Variants in FBLN7 observed in about 807,000 individuals in gnomAD.
FBLN7 encodes the protein fibulin 7, also known as fibulin-7.
Under a neutral mutation model 44.0 loss-of-function variants are expected in FBLN7, and 31 were observed. The ratio of observed to expected loss-of-function variants is 0.70; its 90% CI spans 0.53 to 0.95. The LOEUF (loss-of-function observed/expected upper bound fraction) is 0.95, where lower values mean the gene tolerates loss of function less well. Among genes scored for constraint, FBLN7 ranks in the 40% least tolerant of loss-of-function variants. The pLI is 0.00. For synonymous variants in FBLN7, 262 were observed against 253.4 expected (o/e 1.03, Z -0.32); for missense variants, 573 against 618.5 (o/e 0.93, Z 0.78).
the FBLN7 span, among the ~76,000 whole-genome samples, chr2:112,219,868 A>C: frequency 2.0e-5 from 3 of 152,144 alleles, no homozygotes; most frequent in African/African-American, 7.2e-5. Context: ...TGGAGTGTTT[A>C]ATGTCTCCCA....
At chr2:112,142,102 AG>A (rs896737068) in intron 1 of FBLN7, among the ~76,000 whole-genome samples, 4 of 152,330 alleles carry the variant, frequency 2.6e-5, no homozygotes, top group African/African-American at 9.6e-5. Context: ...CTATGTGGCC[AG>A]GGGTCTCCCC....
At chr2:112,181,128 T>C (rs1277607501) in intron 4 of FBLN7, among the ~76,000 whole-genome samples, 1 of 151,972 alleles carries the variant, frequency 6.6e-6, no homozygotes, top group Non-Finnish European at 1.5e-5. Flanking sequence ...AACTGGGAGT[T>C]AATTGATAAC....
the FBLN7 span, among the ~76,000 whole-genome samples, chr2:112,200,261 T>G: frequency 6.6e-6 from 1 of 152,140 alleles, no homozygotes; most frequent in African/African-American, 2.4e-5. Context: ...CTAATTAAGA[T>G]TCTCAAGCTT....
Position 112,159,832 on chromosome 2 carries a change from C to T in FBLN7, c.232C>T (p.Pro78Ser). The T allele has an allele frequency of 6.5e-7, 1 of 1,541,872 alleles. No individual in the cohort carries two copies. The highest frequency in any genetic ancestry group is 8.7e-7 in the Non-Finnish European group (1 of 1,145,542). ...GGGCAGGGTGGGCCCAGATGCCCTT[C>T]CAGGTGGGTCCCCACGTCGGCACCG... Reference protein sequence around the residue: ...SVGRVGPDALPVSCPALNTPA... With the variant: ...SVGRVGPDALSVSCPALNTPA... Residue 78 changes from proline to serine, a missense_variant, in exon 2 of 8, where the codon CCA (proline) becomes TCA (serine). Transcript: ENST00000331203.
rs755108937 is a variant in FBLN7 at position 112,175,790 on chromosome 2, T to C, written c.483T>C (p.Ile161=). Residue 161 remains isoleucine (I), a synonymous_variant, in exon 4 of 8, where the codon ATT becomes ATC. Coordinates refer to ENST00000331203, the MANE Select transcript of FBLN7 (RefSeq NM_153214.3). ...CVEGVNQYRC[I]CPPGRTGNRC... Reference sequence around the variant, plus strand: ...AAGGAGTCAACCAGTACAGATGCATTTGTCCTCCAGGAAGGACTGGGAACC... The same window carrying C: ...AAGGAGTCAACCAGTACAGATGCATCTGTCCTCCAGGAAGGACTGGGAACC... 6.2e-7 allele frequency: 1 copy of C among 1,614,170 alleles called. No homozygotes were observed. The highest frequency in any genetic ancestry group is 8.5e-7 in the Non-Finnish European group (1 of 1,180,008).
At chr2:112,238,256 G>A in the FBLN7 span, 24 of 1,531,998 alleles carry the variant, frequency 1.6e-5, no homozygotes, top group Non-Finnish European at 2.0e-5. Flanking sequence ...GTCCGTATAT[G>A]GACAACTGTG....
intron 1 of FBLN7, among the ~76,000 whole-genome samples, chr2:112,140,983 GATTTTT>G (rs1208026636): frequency 9.2e-5 from 14 of 152,262 alleles, no homozygotes; most frequent in Non-Finnish European, 1.9e-4. Context: ...ATTAGCAACT[GATTTTT>G]AAAATTAAGG....
At position 112,187,219 on chromosome 2, in the gene FBLN7, C is replaced by T. The variant is rs1683310278; in HGVS notation, c.1033C>T (p.Pro345Ser). ...KTISFHYLSL[P>S]SNLKTPITLF... Reference sequence around the variant, plus strand: ...CATCTCCTTCCATTACCTCTCTCTGCCTTCCAACCTGAAGACGCCCATCAC... The same window carrying T: ...CATCTCCTTCCATTACCTCTCTCTGTCTTCCAACCTGAAGACGCCCATCAC... Residue 345 changes from proline (P) to serine (S), a missense_variant, in exon 8 of 8, where the codon CCT becomes TCT. Physicochemically the swap from Pro to Ser is moderately conservative, Grantham distance 74. Transcript: ENST00000331203. This position sits in a 1 kb window ranked among gnomAD's most constrained non-coding sequence, Gnocchi z 5.1. 1 of 1,614,018 alleles carries T rather than the reference C, an allele frequency of 6.2e-7. No individual in the cohort carries two copies. The highest frequency in any genetic ancestry group is 1.1e-5 in the South Asian group (1 of 91,086).
the FBLN7 span, among the ~76,000 whole-genome samples, chr2:112,231,177 C>T: frequency 6.6e-6 from 1 of 152,066 alleles, no homozygotes; most frequent in African/African-American, 2.4e-5. Context: ...CTTCTAATTC[C>T]ACATTAACCA....
At chr2:112,235,317 A>G in the FBLN7 span, among the ~76,000 whole-genome samples, 1 of 152,204 alleles carries the variant, frequency 6.6e-6, no homozygotes, top group Non-Finnish European at 1.5e-5. Context: ...ATTAAATTCT[A>G]TATATATGTT....
intron 2 of FBLN7, among the ~76,000 whole-genome samples, chr2:112,164,392 G>T (rs1682029559): frequency 6.6e-6 from 1 of 152,196 alleles, no homozygotes; most frequent in Admixed American, 6.5e-5. Context: ...CTAGAAAGAG[G>T]CAAGTCAATA....
chr2:112,209,324 T>G, the FBLN7 span, among the ~76,000 whole-genome samples: 6 of 152,088 alleles, frequency 3.9e-5, no homozygotes, highest in African/African-American at 1.4e-4. Flanking sequence ...GTACGAAGAG[T>G]GCTTCAGAAC....
chr2:112,230,198 T>C, the FBLN7 span, among the ~76,000 whole-genome samples: 1 of 152,170 alleles, frequency 6.6e-6, no homozygotes, highest in Non-Finnish European at 1.5e-5. Context: ...ACTAAATTGG[T>C]TGAAATTAAA....
chr2:112,148,950 G>A (rs1162759169), intron 1 of FBLN7, among the ~76,000 whole-genome samples: 1 of 152,238 alleles, frequency 6.6e-6, no homozygotes, highest in African/African-American at 2.4e-5. Flanking sequence ...AGAGAGCAGA[G>A]TCTCCTTGCA....
At chr2:112,213,395 G>T in the FBLN7 span, 2 of 151,574 alleles carry the variant, frequency 1.3e-5, no homozygotes, top group Non-Finnish European at 2.9e-5. Flanking sequence ...AACATCTCGG[G>T]GTCTGAATTC....
rs1156653812 is a variant in FBLN7 at position 112,178,277 on chromosome 2, AAAC to A, written c.532+2441_532+2443del. Among the ~76,000 whole-genome samples the A allele has an allele frequency of 3.3e-5, 5 of 150,314 alleles. No homozygotes were observed. The South Asian group carries it at 8.5e-4, about 26-fold the overall frequency. On this transcript the variant is annotated intron_variant, in intron 4 of 7. Transcript: ENST00000331203. The stretch of plus-strand genomic sequence containing the variant: ...AAATACAAAAAAAAAAACCAAAAGA[AAAC>A]AAACAAAAAAAAACCAGGAACAAAA...
the FBLN7 span, chr2:112,215,980 T>A: frequency 6.6e-6 from 1 of 152,228 alleles, no homozygotes; most frequent in African/African-American, 2.4e-5. Flanking sequence ...TAATTTATTT[T>A]AAGCCCTAAA....
At position 112,176,171 on chromosome 2, in the gene FBLN7, G is replaced by A. The variant is rs547801500; in HGVS notation, c.532+332G>A. The A allele has an allele frequency of 1.9e-3, 382 of 201,406 alleles. 2 individuals are homozygous for A. Among genetic ancestry groups the A allele is most frequent in the Non-Finnish European group, 3.3e-3 (334 of 100,062 alleles). The allele number at this position is 201,406 out of a possible 1,614,324, so 12.5% of individuals were successfully genotyped here. A position where few individuals can be genotyped will look rare whatever the true frequency, so the allele number is the denominator to read the frequency against. ...CCTTTGCTTGGTCAGCATTTCTTAC[G>A]CCAGCAGAACCACCTTTTCTTTCCA... On this transcript the variant is annotated intron_variant, in intron 4 of 7. Coordinates refer to ENST00000331203, the MANE Select transcript of FBLN7 (RefSeq NM_153214.3).
At chr2:112,196,493 C>T in the FBLN7 span, among the ~76,000 whole-genome samples, 2 of 150,884 alleles carry the variant, frequency 1.3e-5, no homozygotes, top group Admixed American at 1.3e-4. Context: ...TCAGTCTCCA[C>T]CTCTCAGGCT....
Sources: allele counts gnomAD v4.1 joint callset (sites outside exome capture counted in the v4.1 genomes callset), GRCh38; gene constraint gnomAD v4.1.1; non-coding constraint Gnocchi (gnomAD v3.1); transcripts MANE v1.5; gene names NCBI Gene and HGNC (gene_info 2026-07-23, HGNC 2026-07-21).